ZNF496: variants seen among roughly 807,000 people sequenced by gnomAD.
ZNF496 encodes the protein NSD1 (nuclear receptor binding SET-domain containing 1)-interacting zinc finger protein 1.
A neutral mutation model predicts 58.9 loss-of-function variants in ZNF496; 11 were observed. That is an observed-to-expected ratio of 0.19 (90% CI 0.12 to 0.31). ZNF496 has a LOEUF of 0.31. Among genes scored for constraint, ZNF496 ranks in the 10% least tolerant of loss-of-function variants. ZNF496 has a pLI of 1.00. For synonymous variants in ZNF496, 338 were observed against 318.2 expected (o/e 1.06, Z -0.66); for missense variants, 660 against 783.0 (o/e 0.84, Z 1.88).
Position 247,300,444 on chromosome 1 carries a change from TGGGTGGG to T in ZNF496, c.*68_*74del. 6.7e-7 allele frequency: 1 copy of T among 1,482,268 alleles called. No homozygotes were observed. The allele number at this position is 1,482,268 out of a possible 1,614,324, so 91.8% of individuals were successfully genotyped here. ...TCTCTATCCTGGGGAAGGTATGTCC[TGGGTGGG>T]GGCGCTGATCAGTACCAAGGTGAGG... On this transcript the variant is annotated 3_prime_UTR_variant, in exon 10 of 10. Coordinates refer to ENST00000682384, the MANE Select transcript of ZNF496 (RefSeq NM_032752.3). This position sits in a 1 kb window ranked among gnomAD's most constrained non-coding sequence, Gnocchi z 5.7.
chr1:247,327,457 A>G (rs1038471348), intron 5 of ZNF496, among the ~76,000 whole-genome samples: 1 of 152,336 alleles, frequency 6.6e-6, no homozygotes, highest in Admixed American at 6.5e-5. Context: ...GAAGAACCCA[A>G]GGCTGCTGAT....
intron 9 of ZNF496, chr1:247,307,575 T>A: frequency 4.1e-6 from 4 of 985,308 alleles, no homozygotes; most frequent in Non-Finnish European, 4.8e-6. Context: ...AAACCAGGGG[T>A]GGGCATCCAT....
chr1:247,301,702 T>A (rs1659244606), intron 9 of ZNF496, among the ~76,000 whole-genome samples: 1 of 152,160 alleles, frequency 6.6e-6, no homozygotes, highest in African/African-American at 2.4e-5. Flanking sequence ...AGAGGAAGAC[T>A]CTACAACCTA....
At chr1:247,324,794 G>A (rs1303980777) in intron 5 of ZNF496, among the ~76,000 whole-genome samples, 2 of 152,154 alleles carry the variant, frequency 1.3e-5, no homozygotes, top group Non-Finnish European at 2.9e-5. Context: ...ACCACTGTAG[G>A]TACTCCTGAA....
intron 9 of ZNF496, among the ~76,000 whole-genome samples, chr1:247,306,277 C>T (rs533943998): frequency 1.1e-3 from 168 of 152,080 alleles, no homozygotes; most frequent in Non-Finnish European, 2.0e-3. Context: ...CTCACTGCAA[C>T]CTCTACCTCC....
At chr1:247,305,414 C>A (rs554333489) in intron 9 of ZNF496, among the ~76,000 whole-genome samples, 2 of 152,326 alleles carry the variant, frequency 1.3e-5, no homozygotes, top group African/African-American at 4.8e-5. Context: ...AGTGAAATTG[C>A]CCAAGGTTTC....
intron 6 of ZNF496, among the ~76,000 whole-genome samples, chr1:247,317,361 C>T (rs1270598154): frequency 1.3e-5 from 2 of 152,204 alleles, no homozygotes. Flanking sequence ...AGGGGCAGCC[C>T]AGCCAAACAG....
chr1:247,301,217 C>T lies in ZNF496; in HGVS notation c.1066G>A (p.Val356Ile), dbSNP rs372910489. 22 of 1,545,810 alleles carry T rather than the reference C, an allele frequency of 1.4e-5. No homozygotes were observed. Among genetic ancestry groups the T allele is most frequent in the Admixed American group, 4.1e-5 (2 of 48,710 alleles). The stretch of plus-strand genomic sequence containing the variant: ...TCCTCGTCCCCAGAGCTGGAGAGAA[C>T]GATCTCGATGGTCACTTCTTCATCC... ...SLDEEVTIEI[V>I]LSSSGDEDSQ... Residue 356 changes from valine (V) to isoleucine (I), a missense_variant, in exon 10 of 10, where the codon GTT becomes ATT. By Grantham distance (29) the Val-to-Ile change is conservative. Coordinates refer to ENST00000682384, the MANE Select transcript of ZNF496 (RefSeq NM_032752.3).
intron 6 of ZNF496, among the ~76,000 whole-genome samples, chr1:247,316,218 T>TTCCTGGGAGGG (rs1659769832): frequency 2.9e-4 from 2 of 6,902 alleles, no homozygotes; most frequent in Non-Finnish European, 4.9e-4. Context: ...CGCGTGCGCG[T>TTCCTGGGAGGG]GTGTGTGTGT....
rs1359979184 is a variant in ZNF496, at chr1:247,301,254, T to C, written c.1029A>G (p.Leu343=). ...TCACTTCTTCATCCAGGCTGTTCTC[T>C]AGAGATCGCGGGTTGCCGCCAGCTA... ...TYPAGGNPRS[L]ENSLDEEVTI... is the part of the protein sequence containing the mutation. Residue 343 remains leucine, a synonymous_variant, in exon 10 of 10, where the codon CTA becomes CTG. Coordinates refer to ENST00000682384, the MANE Select transcript of ZNF496 (RefSeq NM_032752.3). 2.0e-6 allele frequency: 3 copies of C among 1,518,212 alleles called. No homozygotes were observed. The highest frequency in any genetic ancestry group is 1.3e-5 in the South Asian group (1 of 75,694). The allele number at this position is 1,518,212 out of a possible 1,614,324, so 94.0% of individuals were successfully genotyped here. A position where few individuals can be genotyped will look rare whatever the true frequency, so the allele number is the denominator to read the frequency against.
intron 6 of ZNF496, chr1:247,313,585 C>T (rs1217525283): frequency 1.3e-5 from 2 of 152,208 alleles, no homozygotes; most frequent in African/African-American, 4.8e-5. Context: ...CCAGCGTGCT[C>T]GCCCCTCAAT....
rs1447461185 is a variant in ZNF496, at chr1:247,298,200, GTTTAT to G, written c.*2314_*2318del. ...TATTTAGAAAGTAAAAGCCTCAACC[GTTTAT>G]TTTGTGTTCAAAGTATAACCAAATG... On this transcript the variant is annotated 3_prime_UTR_variant, in exon 10 of 10. Coordinates refer to ENST00000682384, the MANE Select transcript of ZNF496 (RefSeq NM_032752.3). 1 of 152,136 alleles carries G rather than the reference GTTTAT, an allele frequency of 6.6e-6. No homozygotes were observed. The highest frequency in any genetic ancestry group is 1.5e-5 in the Non-Finnish European group (1 of 68,022). 9.4% of individuals were successfully genotyped at this position (152,136 alleles called of 1,614,324 possible). A position where few individuals can be genotyped will look rare whatever the true frequency, so the allele number is the denominator to read the frequency against.
intron 6 of ZNF496, chr1:247,322,850 G>A: frequency 7.3e-6 from 9 of 1,237,168 alleles, no homozygotes; most frequent in Non-Finnish European, 9.8e-6. Flanking sequence ...CACAAGAGGG[G>A]AACTTAGACA....
At chr1:247,322,799 A>T in intron 6 of ZNF496, 9 of 1,303,256 alleles carry the variant, frequency 6.9e-6, no homozygotes, top group Non-Finnish European at 9.0e-6. Context: ...TTAAATTGAA[A>T]AATTCTCTGT....
Position 247,329,518 on chromosome 1 carries a change from T to C in ZNF496, c.61A>G (p.Met21Val), listed in dbSNP as rs747285025. 4 of 1,583,630 alleles carry C rather than the reference T, an allele frequency of 2.5e-6. No homozygotes were observed. Among genetic ancestry groups the C allele is most frequent in the South Asian group, 1.2e-5 (1 of 86,624 alleles). ...GGGTTCTCTCCAGGTGGGCTCCTCA[T>C]TTTCCTGGGCTCCTCACTTTCCTTC... ...APKESEEPRK[M>V]RSPPGENPSP... Residue 21 changes from methionine to valine, a missense_variant, in exon 4 of 10, where the codon ATG becomes GTG. Transcript: ENST00000682384. The surrounding 1 kb of genome is among the most constrained non-coding windows in gnomAD (Gnocchi z 5.5).
At chr1:247,319,145 C>A (rs576291397) in intron 6 of ZNF496, among the ~76,000 whole-genome samples, 1 of 152,224 alleles carries the variant, frequency 6.6e-6, no homozygotes, top group East Asian at 1.9e-4. Flanking sequence ...CCATTCCCAG[C>A]TAATTTTTTT....
In ZNF496 at chr1:247,323,191, C is replaced by T. The variant is rs577506893; in HGVS notation, c.614G>A (p.Arg205Gln). The T allele has an allele frequency of 9.1e-5, 147 of 1,614,026 alleles. No homozygotes were observed. Among genetic ancestry groups the T allele is most frequent in the South Asian group, 1.5e-4 (14 of 91,072 alleles). Residue 205 changes from arginine (R) to glutamine (Q), a missense_variant, in exon 6 of 10, where the codon CGG becomes CAG. Coordinates refer to ENST00000682384, the MANE Select transcript of ZNF496 (RefSeq NM_032752.3). ...DAFLLQEENV[R>Q]DTQQVTTLQL... ...GAGGGTGGTCACCTGCTGTGTGTCC[C>T]GCACATTCTCTTCCTGAAGAAGGAA... is the stretch of plus-strand genomic sequence containing the variant.
intron 6 of ZNF496, among the ~76,000 whole-genome samples, chr1:247,321,378 G>T (rs990639440): frequency 6.6e-6 from 1 of 152,122 alleles, no homozygotes; most frequent in Non-Finnish European, 1.5e-5. Context: ...GGTAAATGAG[G>T]AGTTATTATT....
rs551748219 is a variant in ZNF496, at chr1:247,308,889, T to C, written c.893-301A>G. The C allele has an allele frequency of 3.2e-5, 12 of 374,076 alleles. 1 individual carries two copies. Among genetic ancestry groups the C allele is most frequent in the South Asian group, 2.3e-4 (10 of 43,864 alleles). The allele number at this position is 374,076 out of a possible 1,614,324, so 23.2% of individuals were successfully genotyped here. On this transcript the variant is annotated intron_variant, in intron 8 of 9. Coordinates refer to ENST00000682384, the MANE Select transcript of ZNF496 (RefSeq NM_032752.3). The surrounding 1 kb of genome is among the most constrained non-coding windows in gnomAD (Gnocchi z 4.5). ...CCCCCAGCCCCATATTTATTCCCAC[T>C]TTCTGTGGTGGGTTTTCTATAGTCA...
Sources: gnomAD v4.1 joint callset for allele counts (sites outside exome capture counted in the v4.1 genomes callset) on GRCh38, gnomAD v4.1.1 for gene constraint, Gnocchi (gnomAD v3.1) non-coding constraint, MANE v1.5 for transcripts, NCBI Gene and HGNC (gene_info 2026-07-23, HGNC 2026-07-21) for gene names.